BMAL2: variants seen among roughly 807,000 people sequenced by gnomAD.
BMAL2 encodes the protein basic helix-loop-helix ARNT-like protein 2.
At chr12:27,395,020 T>G in the BMAL2 span, among the ~76,000 whole-genome samples, 3 of 152,230 alleles carry the variant, frequency 2.0e-5, no homozygotes, top group African/African-American at 7.2e-5. Flanking sequence ...TTCCTGTTGT[T>G]GAAGCTACCA....
At chr12:27,368,467 G>A in the BMAL2 span, 7 of 1,565,032 alleles carry the variant, frequency 4.5e-6, no homozygotes, top group East Asian at 1.1e-4. Context: ...GGGAGAAGAG[G>A]AAAATATTCC....
the BMAL2 span, among the ~76,000 whole-genome samples, chr12:27,420,012 TGC>T: frequency 4.6e-5 from 3 of 64,822 alleles, no homozygotes; most frequent in Admixed American, 1.8e-4. Context: ...TTCCAGGGTT[TGC>T]GCGTGCACAC....
chr12:27,373,751 TA>T, the BMAL2 span, among the ~76,000 whole-genome samples: 1 of 152,232 alleles, frequency 6.6e-6, no homozygotes, highest in African/African-American at 2.4e-5. Context: ...TTGGTTGATT[TA>T]GAAAGAATGC....
At chr12:27,414,953 G>A in the BMAL2 span, among the ~76,000 whole-genome samples, 2 of 152,244 alleles carry the variant, frequency 1.3e-5, no homozygotes, top group Non-Finnish European at 2.9e-5. Context: ...ATTATGCTAA[G>A]TGAAATAAGC....
chr12:27,406,960 A>G, the BMAL2 span, among the ~76,000 whole-genome samples: 1 of 152,240 alleles, frequency 6.6e-6, no homozygotes, highest in Non-Finnish European at 1.5e-5. Flanking sequence ...CTGATAAAAC[A>G]GACTTTAAAC....
the BMAL2 span, chr12:27,402,606 T>G: frequency 6.2e-7 from 1 of 1,603,474 alleles, no homozygotes; most frequent in Non-Finnish European, 8.5e-7. Context: ...ACCTATGGTG[T>G]TTTTAATTCT....
the BMAL2 span, among the ~76,000 whole-genome samples, chr12:27,416,879 C>T: frequency 3.3e-5 from 5 of 152,214 alleles, no homozygotes; most frequent in African/African-American, 7.2e-5. Context: ...AGGAGGATCA[C>T]TTGAGCCCAG....
the BMAL2 span, among the ~76,000 whole-genome samples, chr12:27,365,145 C>T: frequency 3.7e-4 from 57 of 152,062 alleles, 1 homozygote; most frequent in South Asian, 0.012. Context: ...ACTGTGAGCT[C>T]TTCTAATATA....
the BMAL2 span, among the ~76,000 whole-genome samples, chr12:27,377,732 C>T: frequency 1.4e-4 from 22 of 152,108 alleles, no homozygotes; most frequent in Non-Finnish European, 2.5e-4. Flanking sequence ...CAGAGTGAGA[C>T]CTTGTCTTTA....
At chr12:27,338,550 A>G in the BMAL2 span, among the ~76,000 whole-genome samples, 1 of 152,150 alleles carries the variant, frequency 6.6e-6, no homozygotes, top group African/African-American at 2.4e-5. Context: ...TGACATGCAC[A>G]GAAGAATTGA....
chr12:27,370,328 C>G, the BMAL2 span: 1 of 852,722 alleles, frequency 1.2e-6, no homozygotes, highest in Non-Finnish European at 1.9e-6. Context: ...ATTTGCTCAT[C>G]ATCTATCCCA....
chr12:27,383,047 G>A, the BMAL2 span, among the ~76,000 whole-genome samples: 1 of 152,352 alleles, frequency 6.6e-6, no homozygotes, highest in East Asian at 1.9e-4. Context: ...CTGCTCTGCA[G>A]CATGAGGTCC....
At chr12:27,410,433 A>G in the BMAL2 span, among the ~76,000 whole-genome samples, 8 of 152,228 alleles carry the variant, frequency 5.3e-5, no homozygotes, top group Admixed American at 1.3e-4. Context: ...TGATGAGTTC[A>G]TGTCCTTTGT....
chr12:27,338,446 A>G, the BMAL2 span, among the ~76,000 whole-genome samples: 1 of 152,104 alleles, frequency 6.6e-6, no homozygotes, highest in African/African-American at 2.4e-5. Flanking sequence ...GTATCGATGG[A>G]AAGACAACTC....
chr12:27,335,708 A>G, the BMAL2 span, among the ~76,000 whole-genome samples: 12 of 151,942 alleles, frequency 7.9e-5, no homozygotes, highest in Admixed American at 7.9e-4. Flanking sequence ...AAAATAGAGA[A>G]GGAAAGAGAG....
At chr12:27,337,655 A>G in the BMAL2 span, among the ~76,000 whole-genome samples, 1 of 152,190 alleles carries the variant, frequency 6.6e-6, no homozygotes, top group Admixed American at 6.5e-5. Context: ...GGGAAAATCA[A>G]TATAAGCTTT....
At chr12:27,371,993 C>T in the BMAL2 span, among the ~76,000 whole-genome samples, 1 of 152,142 alleles carries the variant, frequency 6.6e-6, no homozygotes, top group African/African-American at 2.4e-5. Flanking sequence ...AAGTGGGAGT[C>T]CAAGGTGGGT....
At chr12:27,418,248 C>G in the BMAL2 span, 2 of 1,204,962 alleles carry the variant, frequency 1.7e-6, no homozygotes, top group Non-Finnish European at 2.4e-6. Context: ...AAACCCCCCT[C>G]TTAATCACTA....
At chr12:27,358,328 A>G in the BMAL2 span, among the ~76,000 whole-genome samples, 1 of 151,888 alleles carries the variant, frequency 6.6e-6, no homozygotes, top group Admixed American at 6.6e-5. Flanking sequence ...AATGCAAATC[A>G]AAACCACAGT....
Sources: gnomAD v4.1 joint callset for allele counts (sites outside exome capture counted in the v4.1 genomes callset) on GRCh38, gnomAD v4.1.1 for gene constraint, MANE v1.5 for transcripts, NCBI Gene and HGNC (gene_info 2026-07-23, HGNC 2026-07-21) for gene names.